Variants in TBCK observed in about 807,000 individuals in gnomAD.
The protein encoded by TBCK is TBC domain-containing protein kinase-like protein.
In TBCK, 99 loss-of-function variants were observed where a neutral mutation model predicts 113.4. The observed-to-expected ratio is 0.87, with a 90% CI of 0.74 to 1.03. The LOEUF is 1.03. Ranked by LOEUF, TBCK falls within the 50% of genes least tolerant of loss-of-function variation. TBCK has a pLI of 0.00. For missense variants in TBCK, 1,045 were observed against 1,061.3 expected, an observed-to-expected ratio of 0.98 and a Z score of 0.21; for synonymous variants, 369 against 370.8, an observed-to-expected ratio of 1.00 and a Z score of 0.05.
At chr4:106,179,245 C>T (rs752564427) in intron 22 of TBCK, among the ~76,000 whole-genome samples, 2 of 151,866 alleles carry the variant, frequency 1.3e-5, no homozygotes, top group South Asian at 2.1e-4. Context: ...GAATTTCATT[C>T]GTTTTTATTC....
chr4:106,208,273 A>T (rs1431615161), intron 20 of TBCK, among the ~76,000 whole-genome samples: 1 of 152,206 alleles, frequency 6.6e-6, no homozygotes, highest in Non-Finnish European at 1.5e-5. Flanking sequence ...TCTCATACAT[A>T]TCTACAGAAT....
chr4:106,169,844 G>A (rs1260974730), intron 23 of TBCK, among the ~76,000 whole-genome samples: 1 of 152,014 alleles, frequency 6.6e-6, no homozygotes, highest in Admixed American at 6.6e-5. Flanking sequence ...CAGATCATCA[G>A]GCATTAGATT....
At chr4:106,159,547 G>A (rs1042518640) in intron 23 of TBCK, among the ~76,000 whole-genome samples, 2 of 151,862 alleles carry the variant, frequency 1.3e-5, no homozygotes, top group African/African-American at 2.4e-5. Flanking sequence ...GCATCAAAAG[G>A]AATAAAATAC....
At chr4:106,242,802 T>C (rs1760316521) in intron 11 of TBCK, among the ~76,000 whole-genome samples, 1 of 151,772 alleles carries the variant, frequency 6.6e-6, no homozygotes, top group Admixed American at 6.6e-5. Context: ...CGTGCTGGTG[T>C]GCTGCACCCA....
intron 22 of TBCK, among the ~76,000 whole-genome samples, chr4:106,184,076 C>A (rs1259602472): frequency 2.0e-5 from 3 of 152,044 alleles, no homozygotes; most frequent in African/African-American, 4.8e-5. Flanking sequence ...CAAAGCCTAA[C>A]TGACTACAGG....
In TBCK at chr4:106,043,415, T is replaced by C. The variant is rs1428666670; in HGVS notation, c.*3155A>G. On this transcript the variant is annotated 3_prime_UTR_variant, in exon 26 of 26. Transcript: ENST00000394708. The stretch of plus-strand genomic sequence containing the variant: ...AAAAAATTACCACAGGTTATTTTTA[T>C]TTTTCTCCCTTCAAATAGATTCTAA... 2 of 152,190 alleles carry C rather than the reference T, an allele frequency of 1.3e-5. No individual in the cohort carries two copies. The highest frequency in any genetic ancestry group is 2.9e-5 in the Non-Finnish European group (2 of 68,040). The allele number at this position is 152,190 out of a possible 1,614,324, so 9.4% of individuals were successfully genotyped here.
chr4:106,123,864 A>G (rs1744790280), intron 23 of TBCK, among the ~76,000 whole-genome samples: 2 of 149,318 alleles, frequency 1.3e-5, no homozygotes, highest in African/African-American at 4.9e-5. Flanking sequence ...GATGGATTAA[A>G]GACTTAAACG....
intron 23 of TBCK, chr4:106,163,176 G>T (rs12647078): frequency 3.9e-5 from 6 of 152,054 alleles, no homozygotes; most frequent in Non-Finnish European, 8.8e-5. Flanking sequence ...CTTTACTCCA[G>T]TTCCCAAAAA....
chr4:106,078,314 C>T (rs12512683), intron 25 of TBCK, among the ~76,000 whole-genome samples: 48,759 of 151,824 alleles, frequency 0.32, 8,028 homozygotes, highest in African/African-American at 0.37. Context: ...AACTGAGATG[C>T]GAAAATCCAG....
chr4:106,075,935 C>G (rs1181965673), intron 25 of TBCK, among the ~76,000 whole-genome samples: 3 of 152,176 alleles, frequency 2.0e-5, no homozygotes, highest in Non-Finnish European at 2.9e-5. Flanking sequence ...TTTTAGAAAA[C>G]AGGATATGTG....
At chr4:106,242,405 T>A (rs1760246406) in intron 12 of TBCK, 65 bp downstream of exon 12, 2 of 1,205,428 alleles carry the variant, frequency 1.7e-6, no homozygotes, top group Non-Finnish European at 2.3e-6. Context: ...AGATTTCTTG[T>A]GTATCTGTAA....
At chr4:106,060,908 A>C (rs1735961430) in intron 25 of TBCK, among the ~76,000 whole-genome samples, 1 of 151,740 alleles carries the variant, frequency 6.6e-6, no homozygotes, top group Admixed American at 6.6e-5. Context: ...TCAAGACTTC[A>C]GTGGAGGTAG....
chr4:106,057,462 C>A (rs1418517134), intron 25 of TBCK, among the ~76,000 whole-genome samples: 2 of 151,670 alleles, frequency 1.3e-5, no homozygotes, highest in Non-Finnish European at 3.0e-5. Flanking sequence ...TTAATAGCTC[C>A]CGACTGCTAA....
At position 106,202,133 on chromosome 4, in the gene TBCK, CA is replaced by C. The variant is rs1381685993; in HGVS notation, c.1861-7380del. 1.1e-4 allele frequency among the ~76,000 whole-genome samples: 16 copies of C among 151,252 alleles called. No individual in the cohort carries two copies. The East Asian group carries it at 3.1e-3, about 29-fold the overall frequency. ...GTAATGGAAAAGTATTTTAACAAGC[CA>C]AAGTTCTGAGGTAACCTCATTAAGT... is the stretch of plus-strand genomic sequence containing the variant. On this transcript the variant is annotated intron_variant, in intron 20 of 25. Transcript: ENST00000394708.
At chr4:106,155,133 T>C (rs1473703418) in intron 23 of TBCK, among the ~76,000 whole-genome samples, 2 of 150,142 alleles carry the variant, frequency 1.3e-5, no homozygotes, top group Non-Finnish European at 3.0e-5. Context: ...GGATACACTA[T>C]TCTAGGGTAA....
intron 25 of TBCK, among the ~76,000 whole-genome samples, chr4:106,079,864 A>G (rs547871255): frequency 1.3e-5 from 2 of 152,292 alleles, no homozygotes; most frequent in African/African-American, 4.8e-5. Context: ...AGGAGGAAGC[A>G]GGCGCATCGT....
chr4:106,207,681 G>C (rs181578961), intron 20 of TBCK, among the ~76,000 whole-genome samples: 64 of 151,980 alleles, frequency 4.2e-4, no homozygotes, highest in Admixed American at 3.3e-3. Context: ...TCACAAAATT[G>C]AATTTAAAAA....
chr4:106,312,949 CAG>C (rs1302549201), intron 1 of TBCK, among the ~76,000 whole-genome samples: 3 of 152,016 alleles, frequency 2.0e-5, no homozygotes, highest in Admixed American at 6.6e-5. Context: ...AGCAGAGAAA[CAG>C]AGGAACTTTC....
intron 23 of TBCK, among the ~76,000 whole-genome samples, chr4:106,123,035 G>T (rs979442239): frequency 1.4e-4 from 21 of 152,182 alleles, no homozygotes; most frequent in Non-Finnish European, 7.3e-5. Flanking sequence ...GGGCAATTAG[G>T]CAGGAGAAAG....
Sources: gnomAD v4.1 joint callset for allele counts (sites outside exome capture counted in the v4.1 genomes callset) on GRCh38, gnomAD v4.1.1 for gene constraint, MANE v1.5 for transcripts, NCBI Gene and HGNC (gene_info 2026-07-23, HGNC 2026-07-21) for gene names.